ENTHD1: variants seen among roughly 807,000 people sequenced by gnomAD.
ENTHD1 encodes ENTH domain-containing protein 1.
A neutral mutation model predicts 39.1 loss-of-function variants in ENTHD1; 23 were observed. The ratio of observed to expected loss-of-function variants is 0.59; its 90% CI spans 0.42 to 0.83. The LOEUF (loss-of-function observed/expected upper bound fraction) is 0.83. Among genes scored for constraint, ENTHD1 ranks in the 40% least tolerant of loss-of-function variants. The pLI is 0.00. For synonymous variants in ENTHD1, 230 were observed against 258.2 expected, an observed-to-expected ratio of 0.89 and a Z score of 1.05; for missense variants, 624 against 705.4, an observed-to-expected ratio of 0.88 and a Z score of 1.31.
Position 39,752,236 on chromosome 22 carries a change from T to G in ENTHD1, c.1220-7953A>C, listed in dbSNP as rs890875733. 3.9e-5 allele frequency among the ~76,000 whole-genome samples: 6 copies of G among 152,172 alleles called. No homozygotes were observed. The South Asian group carries it at 1.2e-3, about 31-fold the overall frequency. Reference sequence around the variant, plus strand: ...CAATGGAATTAGCCATAAAAAGCAATGAAGTACTGATATATGTTACAACAT... The same window carrying G: ...CAATGGAATTAGCCATAAAAAGCAAGGAAGTACTGATATATGTTACAACAT... On this transcript the variant is annotated intron_variant, in intron 6 of 6. Coordinates refer to ENST00000325157, the MANE Select transcript of ENTHD1 (RefSeq NM_152512.4).
At chr22:39,760,473 A>C (rs181490490) in intron 6 of ENTHD1, among the ~76,000 whole-genome samples, 7 of 152,088 alleles carry the variant, frequency 4.6e-5, no homozygotes, top group African/African-American at 1.7e-4. Context: ...TGCACAGTAC[A>C]TATTTTTAAT....
At chr22:39,859,184 G>GT (rs2066119719) in intron 3 of ENTHD1, among the ~76,000 whole-genome samples, 1 of 152,198 alleles carries the variant, frequency 6.6e-6, no homozygotes, top group Non-Finnish European at 1.5e-5. Context: ...ATTAAAGACA[G>GT]TTAGAACCTT....
chr22:39,844,234 A>G (rs1232272537), intron 3 of ENTHD1, among the ~76,000 whole-genome samples: 1 of 152,184 alleles, frequency 6.6e-6, no homozygotes, highest in Non-Finnish European at 1.5e-5. Context: ...GTTTAAGTAG[A>G]TTTTTAAAAT....
At position 39,887,677 on chromosome 22, in the gene ENTHD1, T is replaced by C. The variant is rs774655596; in HGVS notation, c.72A>G (p.Ala24=). 1 of 1,602,706 alleles carries C rather than the reference T, an allele frequency of 6.2e-7. No homozygotes were observed. The highest frequency in any genetic ancestry group is 1.3e-5 in the African/African-American group (1 of 74,144). ...YSDAEIKVRE[A]TSNDPWGPSS... is the part of the protein sequence containing the mutation. ...AGGGACCCCAAGGGTCGTTAGAAGTTGCTTCCCTGACTTTTATTTCAGCAT... is the reference window on the plus strand; with the variant it reads ...AGGGACCCCAAGGGTCGTTAGAAGTCGCTTCCCTGACTTTTATTTCAGCAT... Residue 24 remains alanine, a synonymous_variant, in exon 2 of 7, where the codon GCA becomes GCG. Transcript: ENST00000325157.
chr22:39,747,625 A>G (rs1470538288), intron 6 of ENTHD1, among the ~76,000 whole-genome samples: 1 of 152,192 alleles, frequency 6.6e-6, no homozygotes, highest in African/African-American at 2.4e-5. Flanking sequence ...GTTGATGGAT[A>G]TGCTAATCTT....
At chr22:39,790,919 C>T (rs1380479686) in intron 5 of ENTHD1, among the ~76,000 whole-genome samples, 1 of 152,184 alleles carries the variant, frequency 6.6e-6, no homozygotes, top group Non-Finnish European at 1.5e-5. Context: ...GATTCTCCCT[C>T]TTCCACCACA....
At chr22:39,877,647 C>T (rs1319943084) in intron 2 of ENTHD1, among the ~76,000 whole-genome samples, 1 of 152,136 alleles carries the variant, frequency 6.6e-6, no homozygotes, top group East Asian at 1.9e-4. Flanking sequence ...ACCAAGTTCT[C>T]GCAGTAAATA....
intron 5 of ENTHD1, among the ~76,000 whole-genome samples, chr22:39,782,876 A>G (rs1735985467): frequency 6.6e-6 from 1 of 152,210 alleles, no homozygotes; most frequent in Non-Finnish European, 1.5e-5. Flanking sequence ...GAACAAGATA[A>G]GAATGCCTGC....
At chr22:39,805,515 G>C (rs765837035) in intron 5 of ENTHD1, among the ~76,000 whole-genome samples, 1 of 152,158 alleles carries the variant, frequency 6.6e-6, no homozygotes, top group African/African-American at 2.4e-5. Flanking sequence ...TGCTGCTAAC[G>C]TATCAATTAA....
intron 2 of ENTHD1, among the ~76,000 whole-genome samples, chr22:39,864,204 T>C (rs549658711): frequency 3.2e-4 from 48 of 152,316 alleles, no homozygotes; most frequent in African/African-American, 1.1e-3. Flanking sequence ...TTCCCATTTT[T>C]AACATCAGGA....
rs542071238 is a variant in ENTHD1, at chr22:39,890,596, T to G, written c.-155-2693A>C. ...GGAAGAACAATCGTAATTTTTAGGTTTTTCTACATTCTCTAACCTATATTT... is the reference window on the plus strand; with the variant it reads ...GGAAGAACAATCGTAATTTTTAGGTGTTTCTACATTCTCTAACCTATATTT... On this transcript the variant is annotated intron_variant, in intron 1 of 6. Coordinates refer to ENST00000325157, the MANE Select transcript of ENTHD1 (RefSeq NM_152512.4). Among the ~76,000 whole-genome samples the G allele has an allele frequency of 7.2e-5, 11 of 152,346 alleles. No individual in the cohort carries two copies. The South Asian group carries it at 2.1e-3, about 29-fold the overall frequency.
intron 3 of ENTHD1, among the ~76,000 whole-genome samples, chr22:39,837,728 A>G (rs2065916483): frequency 6.6e-6 from 1 of 152,208 alleles, no homozygotes; most frequent in Non-Finnish European, 1.5e-5. Context: ...TTATCAAAGA[A>G]TGCATTATTC....
intron 3 of ENTHD1, among the ~76,000 whole-genome samples, chr22:39,850,460 C>G (rs939614980): frequency 6.6e-6 from 1 of 152,118 alleles, no homozygotes; most frequent in Non-Finnish European, 1.5e-5. Flanking sequence ...CAGCATATAT[C>G]TGGATTTCTC....
At chr22:39,846,545 A>G (rs1317639912) in intron 3 of ENTHD1, among the ~76,000 whole-genome samples, 1 of 152,040 alleles carries the variant, frequency 6.6e-6, no homozygotes, top group Non-Finnish European at 1.5e-5. Context: ...GGTGTTTTAG[A>G]TGTGAAGTCC....
At chr22:39,852,147 A>G (rs1043547303) in intron 3 of ENTHD1, among the ~76,000 whole-genome samples, 1 of 151,914 alleles carries the variant, frequency 6.6e-6, no homozygotes, top group African/African-American at 2.4e-5. Context: ...TTCCTGGGCA[A>G]CATGGTGAAA....
intron 3 of ENTHD1, among the ~76,000 whole-genome samples, chr22:39,851,911 T>TG (rs2066043352): frequency 6.6e-6 from 1 of 152,226 alleles, no homozygotes; most frequent in South Asian, 2.1e-4. Flanking sequence ...GTGCAGTAAA[T>TG]GGAGTTCCTA....
chr22:39,810,622 C>T (rs1349222204), intron 5 of ENTHD1, among the ~76,000 whole-genome samples: 1 of 152,184 alleles, frequency 6.6e-6, no homozygotes, highest in African/African-American at 2.4e-5. Flanking sequence ...TGATTCTTAC[C>T]ACATTCCAGT....
chr22:39,833,016 G>A (rs1272467236), intron 4 of ENTHD1, among the ~76,000 whole-genome samples: 4 of 152,154 alleles, frequency 2.6e-5, no homozygotes, highest in Admixed American at 6.5e-5. Flanking sequence ...ATCTGGGGGC[G>A]ACTGGGGTAG....
intron 5 of ENTHD1, among the ~76,000 whole-genome samples, chr22:39,788,512 G>A (rs936752501): frequency 6.6e-5 from 10 of 152,212 alleles, no homozygotes; most frequent in Admixed American, 4.6e-4. Flanking sequence ...AGTGGTTTAG[G>A]AGATGGAATC....
Sources: allele counts gnomAD v4.1 joint callset (sites outside exome capture counted in the v4.1 genomes callset), GRCh38; gene constraint gnomAD v4.1.1; transcripts MANE v1.5; gene names NCBI Gene and HGNC (gene_info 2026-07-23, HGNC 2026-07-21).